Variants in CPNE5 observed in about 807,000 individuals in gnomAD.
The protein encoded by CPNE5 is copine 5.
CPNE5 carries 42 observed loss-of-function variants against 81.1 expected under a neutral mutation model. The ratio of observed to expected loss-of-function variants is 0.52; its 90% CI spans 0.40 to 0.67. The LOEUF (loss-of-function observed/expected upper bound fraction) is 0.67, where lower values mean the gene tolerates loss of function less well. CPNE5 is among the 30% of genes least tolerant of loss of function. The probability of loss-of-function intolerance (pLI) is 0.00; values close to 1 mark genes in which losing one functional copy is unlikely to be tolerated. For synonymous variants in CPNE5, 313 were observed against 321.5 expected, an observed-to-expected ratio of 0.97 and a Z score of 0.28; for missense variants, 612 against 815.5, an observed-to-expected ratio of 0.75 and a Z score of 3.04.
rs550796602 is a variant in CPNE5, at chr6:36,765,238, G to T, written c.779+97C>A. ...CTCCCTCACCCCCAGAGCCACTGCG[G>T]GGGGGAGCCTGGTCACAGCTCCGCA... On this transcript the variant is annotated intron_variant, in intron 11 of 20. Coordinates refer to ENST00000244751, the MANE Select transcript of CPNE5 (RefSeq NM_020939.2). 966 of 1,373,552 alleles carry T rather than the reference G, an allele frequency of 7.0e-4. 5 individuals are homozygous for T. Among genetic ancestry groups the T allele is most frequent in the Admixed American group, 4.9e-4 (26 of 53,572 alleles). 85.1% of individuals were successfully genotyped at this position (1,373,552 alleles called of 1,614,324 possible). A position where few individuals can be genotyped will look rare whatever the true frequency, so the allele number is the denominator to read the frequency against.
At chr6:36,814,899 G>A (rs1771402889) in intron 3 of CPNE5, among the ~76,000 whole-genome samples, 1 of 152,154 alleles carries the variant, frequency 6.6e-6, no homozygotes, top group Admixed American at 6.5e-5. Flanking sequence ...AGGTGCGGTG[G>A]CTCACGCCTG....
chr6:36,767,720 T>C (rs1004039391), intron 10 of CPNE5, among the ~76,000 whole-genome samples: 2 of 152,172 alleles, frequency 1.3e-5, no homozygotes. Context: ...ACAAAATCAC[T>C]GGGGAAAATT....
At chr6:36,806,821 C>A (rs965393474) in intron 3 of CPNE5, among the ~76,000 whole-genome samples, 1 of 152,204 alleles carries the variant, frequency 6.6e-6, no homozygotes, top group African/African-American at 2.4e-5. Flanking sequence ...GCAAAGATAC[C>A]AATGTCCTGT....
At chr6:36,832,165 T>C (rs1219787722) in intron 1 of CPNE5, among the ~76,000 whole-genome samples, 1 of 152,248 alleles carries the variant, frequency 6.6e-6, no homozygotes, top group East Asian at 1.9e-4. Context: ...CACTGTCCAC[T>C]GTCCATTGAC....
chr6:36,834,450 G>T (rs1420181385), intron 1 of CPNE5, among the ~76,000 whole-genome samples: 1 of 152,016 alleles, frequency 6.6e-6, no homozygotes, highest in Admixed American at 6.5e-5. Context: ...GAGGTCAGCA[G>T]TTCAAGACCA....
intron 10 of CPNE5, among the ~76,000 whole-genome samples, chr6:36,765,854 G>C (rs1766517949): frequency 1.3e-5 from 2 of 151,050 alleles, no homozygotes; most frequent in Admixed American, 1.3e-4. Context: ...TCAGGGAGGA[G>C]CCCAGGGCCC....
chr6:36,828,083 G>A (rs950358018), intron 1 of CPNE5, among the ~76,000 whole-genome samples: 2 of 151,956 alleles, frequency 1.3e-5, no homozygotes, highest in South Asian at 2.1e-4. Flanking sequence ...CAAGGCCCCA[G>A]CAAGGACAGA....
intron 10 of CPNE5, among the ~76,000 whole-genome samples, chr6:36,768,979 C>T (rs541426137): frequency 1.3e-5 from 2 of 152,358 alleles, no homozygotes; most frequent in South Asian, 2.1e-4. Flanking sequence ...ACTATCTCCA[C>T]GTACAGTCAG....
intron 8 of CPNE5, among the ~76,000 whole-genome samples, chr6:36,785,494 T>C (rs567177135): frequency 6.6e-6 from 1 of 152,290 alleles, no homozygotes; most frequent in East Asian, 1.9e-4. Context: ...CAGGGTCACA[T>C]AGGGAGTAAG....
In CPNE5 at chr6:36,746,719, A is replaced by C; in HGVS notation, c.1019-142T>G. Reference sequence around the variant, plus strand: ...CTCTTTCTCTCATACCCCATGTTAAATCCTTCAGCAAAACAGATCTAGAAT... The same window carrying C: ...CTCTTTCTCTCATACCCCATGTTAACTCCTTCAGCAAAACAGATCTAGAAT... On this transcript the variant is annotated intron_variant, in intron 15 of 20. Coordinates refer to ENST00000244751, the MANE Select transcript of CPNE5 (RefSeq NM_020939.2). The surrounding 1 kb of genome is among the most constrained non-coding windows in gnomAD (Gnocchi z 4.5). 1 of 673,908 alleles carries C rather than the reference A, an allele frequency of 1.5e-6. No individual in the cohort carries two copies. The allele number at this position is 673,908 out of a possible 1,614,324, so 41.7% of individuals were successfully genotyped here.
At chr6:36,811,844 CTG>C (rs1561811033) in intron 3 of CPNE5, among the ~76,000 whole-genome samples, 1 of 151,412 alleles carries the variant, frequency 6.6e-6, no homozygotes, top group Non-Finnish European at 1.5e-5. Context: ...TGGCTCATGA[CTG>C]TAATCCCAGC....
Position 36,776,095 on chromosome 6 carries a change from C to A in CPNE5, c.633-1030G>T, listed in dbSNP as rs190651154. 5.3e-5 allele frequency among the ~76,000 whole-genome samples: 8 copies of A among 152,200 alleles called. No homozygotes were observed. In the East Asian group the frequency reaches 1.5e-3, roughly 29 times the overall value. On this transcript the variant is annotated intron_variant, in intron 9 of 20. Transcript: ENST00000244751. ...GATGGGCCCGAATCTGGTGTCCCTGCCCATGCCCCACGCCATGCTTGGCTG... is the reference window on the plus strand; with the variant it reads ...GATGGGCCCGAATCTGGTGTCCCTGACCATGCCCCACGCCATGCTTGGCTG...
chr6:36,785,195 C>G (rs1490189064), intron 8 of CPNE5, among the ~76,000 whole-genome samples: 1 of 152,074 alleles, frequency 6.6e-6, no homozygotes, highest in Non-Finnish European at 1.5e-5. Flanking sequence ...GTGGCCTGGT[C>G]TGCTCTGGCA....
intron 20 of CPNE5, chr6:36,743,058 C>T (rs2150350311): frequency 2.0e-6 from 2 of 985,430 alleles, no homozygotes; most frequent in Non-Finnish European, 2.4e-6. Flanking sequence ...GGTTTCCAGC[C>T]CCCTATGTTT....
intron 13 of CPNE5, chr6:36,754,790 G>C (rs78525002): frequency 0.1 from 15,263 of 152,262 alleles, 790 homozygotes; most frequent in Middle Eastern, 0.12. Flanking sequence ...TTCCCAGCTG[G>C]GGAAGGTGCT....
chr6:36,778,696 C>A (rs1158558557), intron 9 of CPNE5, among the ~76,000 whole-genome samples, 158 bp downstream of exon 9: 1 of 152,180 alleles, frequency 6.6e-6, no homozygotes, highest in African/African-American at 2.4e-5. Context: ...CAGGGCACTA[C>A]CCTGGGGCCC....
Position 36,792,065 on chromosome 6 carries a change from T to A in CPNE5, c.496A>T (p.Ile166Phe), listed in dbSNP as rs1245106728. Residue 166 changes from isoleucine (I) to phenylalanine (F), a missense_variant, in exon 8 of 21, where the codon ATC becomes TTC. Transcript: ENST00000244751. ...TTGCTGAGCTCCTCAGCGGACAGGA[T>A]GATGGTGCCACATTTCTTTCCTGGG... Reference protein sequence around the residue: ...GVPGKKCGTIILSAEELSNCR... With the variant: ...GVPGKKCGTIFLSAEELSNCR... 1.2e-6 allele frequency: 2 copies of A among 1,613,892 alleles called. No individual in the cohort carries two copies. The highest frequency in any genetic ancestry group is 2.7e-5 in the African/African-American group (2 of 74,850).
intron 7 of CPNE5, chr6:36,792,472 A>G: frequency 8.8e-7 from 1 of 1,141,282 alleles, no homozygotes; most frequent in Non-Finnish European, 1.2e-6. Flanking sequence ...CTCATGGGCT[A>G]GCCACCCCAC....
At chr6:36,793,492 C>T (rs936214013) in intron 7 of CPNE5, among the ~76,000 whole-genome samples, 7 of 152,170 alleles carry the variant, frequency 4.6e-5, no homozygotes, top group African/African-American at 7.2e-5. Context: ...CAGCCTCCTC[C>T]GCCCCATGTT....
Sources: gnomAD v4.1 joint callset for allele counts (sites outside exome capture counted in the v4.1 genomes callset) on GRCh38, gnomAD v4.1.1 for gene constraint, Gnocchi (gnomAD v3.1) non-coding constraint, MANE v1.5 for transcripts, NCBI Gene and HGNC (gene_info 2026-07-23, HGNC 2026-07-21) for gene names.